The following DSG1 variants were observed in gnomAD, a reference collection of about 807,000 sequenced individuals.
DSG1 encodes desmoglein-1.
DSG1 carries 39 observed loss-of-function variants against 97.5 expected under a neutral mutation model. That is an observed-to-expected ratio of 0.40 (90% CI 0.31 to 0.52). The LOEUF (loss-of-function observed/expected upper bound fraction) is 0.52, where lower values mean the gene tolerates loss of function less well. Ranked by LOEUF, DSG1 falls within the 20% of genes least tolerant of loss-of-function variation. DSG1 has a pLI of 0.53. For synonymous variants in DSG1, 475 were observed against 443.4 expected (o/e 1.07, Z -0.90); for missense variants, 1,311 against 1,295.4 (o/e 1.01, Z -0.18).
intron 1 of DSG1, among the ~76,000 whole-genome samples, chr18:31,323,291 C>T (rs2071664917): frequency 6.6e-6 from 1 of 152,266 alleles, no homozygotes; most frequent in Non-Finnish European, 1.5e-5. Context: ...AGAAAATAAC[C>T]TCACCCTTAC....
chr18:31,350,915 A>T (rs1354721649), intron 14 of DSG1, among the ~76,000 whole-genome samples: 1 of 150,438 alleles, frequency 6.6e-6, no homozygotes, highest in East Asian at 1.9e-4. Context: ...CTTTCAAAAA[A>T]CCAGTTCCTG....
At chr18:31,333,494 GTAAACGTTGAGCCAAC>G in intron 6 of DSG1, 79 bp from the exon 7 acceptor site, 2 of 1,482,884 alleles carry the variant, frequency 1.3e-6, no homozygotes, top group South Asian at 2.3e-5. Flanking sequence ...ATAGATTTAT[GTAAACGTTGAGCCAAC>G]TTTTCAAAGA....
At chr18:31,322,903 A>G (rs1203496005) in intron 1 of DSG1, among the ~76,000 whole-genome samples, 2 of 152,162 alleles carry the variant, frequency 1.3e-5, no homozygotes, top group African/African-American at 2.4e-5. Flanking sequence ...AAACATTAAA[A>G]ATTACTGTAA....
chr18:31,343,399 T>A, intron 11 of DSG1, 51 bp from the exon 12 acceptor site: 1 of 1,613,218 alleles, frequency 6.2e-7, no homozygotes, highest in East Asian at 2.2e-5. Flanking sequence ...TTGTTTTGTT[T>A]TTTATTTGCA....
At chr18:31,326,249 A>G (rs2071685244) in intron 1 of DSG1, among the ~76,000 whole-genome samples, 1 of 152,040 alleles carries the variant, frequency 6.6e-6, no homozygotes, top group African/African-American at 2.4e-5. Flanking sequence ...TGTAAACTAT[A>G]ATTTTCTTAT....
chr18:31,326,704 T>A lies in DSG1; in HGVS notation c.84+88T>A, dbSNP rs2071687908. 8 of 1,378,952 alleles carry A rather than the reference T, an allele frequency of 5.8e-6. No homozygotes were observed. The South Asian group carries it at 8.4e-5, about 14-fold the overall frequency. The allele number at this position is 1,378,952 out of a possible 1,614,324, so 85.4% of individuals were successfully genotyped here. On this transcript the variant is annotated intron_variant, in intron 2 of 14. Coordinates refer to ENST00000257192, the MANE Select transcript of DSG1 (RefSeq NM_001942.4). The stretch of plus-strand genomic sequence containing the variant: ...TATGTTTTCTGAAGAAAATGTATTC[T>A]CATAAGTCAAGTTCATATAATGCTA...
chr18:31,327,216 A>G (rs1051401011), intron 3 of DSG1, among the ~76,000 whole-genome samples: 1 of 152,134 alleles, frequency 6.6e-6, no homozygotes, highest in African/African-American at 2.4e-5. Context: ...GACTCACCTC[A>G]TTGGTGAAAT....
Position 31,355,045 on chromosome 18 carries a change from T to C in DSG1, c.2849T>C (p.Ile950Thr). ...GAGTTAGCCAATGCCCACAATGTCATTGTGACAGAGAGGGTTGTTTCTGGT... is the reference window on the plus strand; with the variant it reads ...GAGTTAGCCAATGCCCACAATGTCACTGTGACAGAGAGGGTTGTTTCTGGT... Reference protein sequence around the residue: ...HPELANAHNVIVTERVVSGAG... With the variant: ...HPELANAHNVTVTERVVSGAG... Residue 950 changes from isoleucine to threonine, a missense_variant, in exon 15 of 15, where the codon ATT becomes ACT. Around this residue, in one of 3 missense-constraint regions of DSG1, gnomAD observed 1,038 missense variants for 964.6 expected, o/e 1.08. Transcript: ENST00000257192. 6.2e-7 allele frequency: 1 copy of C among 1,614,156 alleles called. No individual in the cohort carries two copies. Among genetic ancestry groups the C allele is most frequent in the Non-Finnish European group, 8.5e-7 (1 of 1,180,020 alleles).
intron 13 of DSG1, among the ~76,000 whole-genome samples, chr18:31,344,486 GA>G (rs1282228379): frequency 6.6e-6 from 1 of 152,032 alleles, no homozygotes; most frequent in African/African-American, 2.4e-5. Context: ...TTATAACAAA[GA>G]AAAAAACTGC....
At chr18:31,326,728 T>C in intron 2 of DSG1, 112 bp downstream of exon 2, 1 of 1,314,578 alleles carries the variant, frequency 7.6e-7, no homozygotes, top group Admixed American at 1.8e-5. Flanking sequence ...CATATAATGC[T>C]AAAATTAATA....
intron 1 of DSG1, among the ~76,000 whole-genome samples, chr18:31,319,716 G>A (rs1468813753): frequency 1.3e-5 from 2 of 152,072 alleles, no homozygotes; most frequent in East Asian, 3.8e-4. Flanking sequence ...GTTCAGATAG[G>A]TGTACACTAA....
chr18:31,318,387 C>T (rs2071633367), intron 1 of DSG1, 39 bp downstream of exon 1: 3 of 1,563,364 alleles, frequency 1.9e-6, no homozygotes, highest in Non-Finnish European at 2.6e-6. Context: ...TAATCGTGCC[C>T]ATTGTAAACA....
intron 11 of DSG1, among the ~76,000 whole-genome samples, chr18:31,340,550 T>C (rs1284957328): frequency 7.2e-6 from 1 of 139,402 alleles, no homozygotes; most frequent in East Asian, 2.1e-4. Context: ...GGGGGTTCAG[T>C]CTCAAAAAAA....
chr18:31,331,930 C>T, intron 6 of DSG1, 63 bp downstream of exon 6: 1 of 1,498,432 alleles, frequency 6.7e-7, no homozygotes, highest in Non-Finnish European at 9.2e-7. Flanking sequence ...AGCAAGGATA[C>T]TGAAGAGACA....
intron 1 of DSG1, 140 bp downstream of exon 1, chr18:31,318,488 T>G: frequency 1.3e-6 from 1 of 764,790 alleles, no homozygotes; most frequent in East Asian, 2.5e-5. Context: ...TTTTATGAAC[T>G]AGATTTTTCA....
In DSG1 at chr18:31,334,899, C is replaced by T. The variant is rs114249602; in HGVS notation, c.1005+697C>T. 4.4e-3 allele frequency among the ~76,000 whole-genome samples: 674 copies of T among 152,256 alleles called. 8 individuals carry two copies. Among genetic ancestry groups the T allele is most frequent in the African/African-American group, 0.015 (642 of 41,562 alleles). ...CCTAGGGAGCTGATAGTCAAAGTTT[C>T]GCCCTGTGCTACACAACTTACACAG... On this transcript the variant is annotated intron_variant, in intron 8 of 14. Transcript: ENST00000257192.
intron 14 of DSG1, among the ~76,000 whole-genome samples, chr18:31,350,984 T>C (rs1233668459): frequency 1.3e-5 from 2 of 150,128 alleles, no homozygotes; most frequent in Non-Finnish European, 2.9e-5. Context: ...TCTGCTCTGA[T>C]CTTAGTTATT....
In DSG1 at chr18:31,344,243, T is replaced by C. The variant is rs1242840784; in HGVS notation, c.1891+248T>C. ...TAGAAGATGTCCAAATTAGGATCTC[T>C]ATATATGCAGAAGTACTGAATTGTA... On this transcript the variant is annotated intron_variant, in intron 13 of 14. Transcript: ENST00000257192. 3.9e-5 allele frequency among the ~76,000 whole-genome samples: 6 copies of C among 152,194 alleles called. No individual in the cohort carries two copies. In the East Asian group the frequency reaches 1.2e-3, roughly 29 times the overall value.
At chr18:31,339,038 TCAAA>T (rs1397770787) in intron 10 of DSG1, among the ~76,000 whole-genome samples, 6 of 152,122 alleles carry the variant, frequency 3.9e-5, no homozygotes, top group East Asian at 1.9e-4. Flanking sequence ...AAAAATAACC[TCAAA>T]CAAATTATTC....
Sources: gnomAD v4.1 joint callset for allele counts (sites outside exome capture counted in the v4.1 genomes callset) on GRCh38, gnomAD v4.1.1 for gene constraint, gnomAD v4.1.1 regional missense constraint, MANE v1.5 for transcripts, NCBI Gene and HGNC (gene_info 2026-07-23, HGNC 2026-07-21) for gene names.